The following BMPR1B variants were observed in gnomAD, a reference collection of about 807,000 sequenced individuals.
BMPR1B encodes bone morphogenetic protein receptor type-1B.
In BMPR1B, 12 loss-of-function variants were observed where a neutral mutation model predicts 59.1. The ratio of observed to expected loss-of-function variants is 0.20; its 90% CI spans 0.13 to 0.33. The LOEUF is 0.33. BMPR1B is among the 10% of genes least tolerant of loss of function. The pLI, the probability that BMPR1B is intolerant of heterozygous loss-of-function variation, is 1.00. For missense variants in BMPR1B, 550 were observed against 610.9 expected, an observed-to-expected ratio of 0.90 and a Z score of 1.05; for synonymous variants, 237 against 207.3, an observed-to-expected ratio of 1.14 and a Z score of -1.23.
At position 94,906,203 on chromosome 4, in the gene BMPR1B, T is replaced by C. The variant is rs17429280; in HGVS notation, c.-113+30303T>C. On this transcript the variant is annotated intron_variant, in intron 2 of 12. Coordinates refer to ENST00000515059, the MANE Select transcript of BMPR1B (RefSeq NM_001203.3). ...GATTGATATTTTCTTTCTGTTGATATATTGGGTAAGTCAGCCAGTTTAGAG... is the reference window on the plus strand; with the variant it reads ...GATTGATATTTTCTTTCTGTTGATACATTGGGTAAGTCAGCCAGTTTAGAG... Among the ~76,000 whole-genome samples the C allele has an allele frequency of 3.3e-3, 498 of 152,158 alleles. 1 individual carries two copies. Among genetic ancestry groups the C allele is most frequent in the Non-Finnish European group, 5.5e-3 (371 of 67,958 alleles).
intron 2 of BMPR1B, among the ~76,000 whole-genome samples, chr4:94,882,674 A>G (rs1578757725): frequency 6.6e-6 from 1 of 152,346 alleles, no homozygotes; most frequent in East Asian, 1.9e-4. Flanking sequence ...AATTTAGGTC[A>G]GTCTGACTTA....
rs1315970597 is a variant in BMPR1B, at chr4:95,157,834, G to T, written c.*3161G>T. The T allele has an allele frequency of 1.3e-5, 2 of 152,108 alleles. No individual in the cohort carries two copies. Among genetic ancestry groups the T allele is most frequent in the Non-Finnish European group, 2.9e-5 (2 of 67,994 alleles). 9.4% of individuals were successfully genotyped at this position (152,108 alleles called of 1,614,324 possible). A position where few individuals can be genotyped will look rare whatever the true frequency, so the allele number is the denominator to read the frequency against. ...GGCCTTTGACCTCCTGGAAAGCACT[G>T]CTCAAAAGTCATTAGTGCCCATTTT... On this transcript the variant is annotated 3_prime_UTR_variant, in exon 13 of 13. Transcript: ENST00000515059.
intron 3 of BMPR1B, among the ~76,000 whole-genome samples, chr4:95,036,753 T>C (rs1578969377): frequency 6.6e-6 from 1 of 151,930 alleles, no homozygotes; most frequent in South Asian, 2.1e-4. Flanking sequence ...GATTGTTGGA[T>C]TTTATGGTAG....
At chr4:95,137,715 A>AG (rs1162527569) in intron 10 of BMPR1B, among the ~76,000 whole-genome samples, 2 of 152,174 alleles carry the variant, frequency 1.3e-5, no homozygotes, top group African/African-American at 4.8e-5. Flanking sequence ...TTTATCAAAA[A>AG]CTAGTATTGC....
At chr4:94,820,727 T>C (rs1724176366) in intron 1 of BMPR1B, among the ~76,000 whole-genome samples, 1 of 152,180 alleles carries the variant, frequency 6.6e-6, no homozygotes, top group African/African-American at 2.4e-5. Flanking sequence ...TTTCAGTTCT[T>C]ACAGGTGTTC....
At chr4:94,912,623 T>C (rs1728320160) in intron 2 of BMPR1B, among the ~76,000 whole-genome samples, 1 of 152,118 alleles carries the variant, frequency 6.6e-6, no homozygotes, top group Admixed American at 6.6e-5. Flanking sequence ...ATGTGGTCTT[T>C]CCGAACAACA....
intron 3 of BMPR1B, among the ~76,000 whole-genome samples, chr4:95,007,476 G>T (rs754352555): frequency 4.6e-5 from 7 of 151,752 alleles, no homozygotes; most frequent in Non-Finnish European, 8.8e-5. Flanking sequence ...TTCAAGATTT[G>T]GCATAGGAGA....
intron 3 of BMPR1B, among the ~76,000 whole-genome samples, chr4:95,009,187 C>T (rs950351020): frequency 4.6e-5 from 7 of 152,234 alleles, no homozygotes; most frequent in Admixed American, 1.3e-4. Flanking sequence ...CTGCTAATGG[C>T]GATGCAAATT....
intron 2 of BMPR1B, among the ~76,000 whole-genome samples, chr4:94,921,530 C>T (rs1327469331): frequency 6.6e-6 from 1 of 151,898 alleles, no homozygotes; most frequent in Non-Finnish European, 1.5e-5. Flanking sequence ...AAAGCAGGAC[C>T]AAGACAGAGG....
Position 95,057,374 on chromosome 4 carries a change from C to T in BMPR1B, c.-17-47034C>T, listed in dbSNP as rs572306129. ...ATTCTCCTGCCTCAGCCTCCCGAGTCGCTGGGACTACAGGCACACGCCACC... is the reference window on the plus strand; with the variant it reads ...ATTCTCCTGCCTCAGCCTCCCGAGTTGCTGGGACTACAGGCACACGCCACC... On this transcript the variant is annotated intron_variant, in intron 3 of 12. Coordinates refer to ENST00000515059, the MANE Select transcript of BMPR1B (RefSeq NM_001203.3). Among the ~76,000 whole-genome samples the T allele has an allele frequency of 1.1e-4, 16 of 151,972 alleles. 2 individuals carry two copies. In the South Asian group the frequency reaches 2.3e-3, roughly 22 times the overall value.
At chr4:94,874,390 G>T (rs962970167) in intron 1 of BMPR1B, among the ~76,000 whole-genome samples, 1 of 151,902 alleles carries the variant, frequency 6.6e-6, no homozygotes, top group Admixed American at 6.6e-5. Context: ...TCTTATTTTT[G>T]ACCTTAATTT....
chr4:94,892,610 A>G (rs1377135748), intron 2 of BMPR1B, among the ~76,000 whole-genome samples: 1 of 152,064 alleles, frequency 6.6e-6, no homozygotes, highest in African/African-American at 2.4e-5. Flanking sequence ...TAAAGAAGTA[A>G]TTCTATTGGT....
rs189526133 is a variant in BMPR1B at position 94,978,489 on chromosome 4, C to G, written c.-112-17551C>G. Among the ~76,000 whole-genome samples the G allele has an allele frequency of 2.1e-3, 314 of 152,290 alleles. 1 individual carries two copies. The highest frequency in any genetic ancestry group is 7.1e-3 in the African/African-American group (294 of 41,560). ...GGCCTTTCTGCCAGCATAGTGTACT[C>G]TGGATAAGCAGACTGCTAAAGTGGT... On this transcript the variant is annotated intron_variant, in intron 2 of 12. Coordinates refer to ENST00000515059, the MANE Select transcript of BMPR1B (RefSeq NM_001203.3).
intron 3 of BMPR1B, among the ~76,000 whole-genome samples, chr4:95,003,878 GCT>G (rs942854528): frequency 6.7e-4 from 84 of 125,030 alleles, no homozygotes; most frequent in African/African-American, 2.2e-3. Context: ...CACAATCTCA[GCT>G]CAATACAACC....
At chr4:95,150,805 A>G (rs1156748452) in intron 11 of BMPR1B, among the ~76,000 whole-genome samples, 1 of 152,210 alleles carries the variant, frequency 6.6e-6, no homozygotes, top group Non-Finnish European at 1.5e-5. Flanking sequence ...GCTCTGTCCC[A>G]TACCAACTGA....
intron 2 of BMPR1B, among the ~76,000 whole-genome samples, chr4:94,943,228 C>G (rs1393632590): frequency 6.6e-6 from 1 of 151,900 alleles, no homozygotes; most frequent in Non-Finnish European, 1.5e-5. Flanking sequence ...GCAACCTCTG[C>G]TCCCAGGTTC....
chr4:94,854,761 A>G (rs1194161469), intron 1 of BMPR1B, among the ~76,000 whole-genome samples: 3 of 152,116 alleles, frequency 2.0e-5, no homozygotes, highest in Non-Finnish European at 4.4e-5. Flanking sequence ...AAAGAAAGAC[A>G]TGCTCCCTAG....
Position 94,776,184 on chromosome 4 carries a change from A to G in BMPR1B, c.-183+18116A>G, listed in dbSNP as rs994740419. On this transcript the variant is annotated intron_variant, in intron 1 of 12. Coordinates refer to ENST00000515059, the MANE Select transcript of BMPR1B (RefSeq NM_001203.3). Reference sequence around the variant, plus strand: ...AAATTTTTGTTGTTGTTTCCTCACTATTTCCTCTGTATTAAAATAATTTTG... The same window carrying G: ...AAATTTTTGTTGTTGTTTCCTCACTGTTTCCTCTGTATTAAAATAATTTTG... 4.0e-5 allele frequency among the ~76,000 whole-genome samples: 6 copies of G among 151,896 alleles called. 1 individual carries two copies. The highest frequency in any genetic ancestry group is 1.4e-4 in the African/African-American group (6 of 41,460).
intron 1 of BMPR1B, among the ~76,000 whole-genome samples, chr4:94,834,762 C>G (rs1724734569): frequency 6.6e-6 from 1 of 152,070 alleles, no homozygotes; most frequent in South Asian, 2.1e-4. Context: ...CACCAGCACT[C>G]AACAGTAGCA....
Sources: gnomAD v4.1 joint callset for allele counts (sites outside exome capture counted in the v4.1 genomes callset) on GRCh38, gnomAD v4.1.1 for gene constraint, MANE v1.5 for transcripts, NCBI Gene and HGNC (gene_info 2026-07-23, HGNC 2026-07-21) for gene names.